The following ERC1 variants were observed in gnomAD, a reference collection of about 807,000 sequenced individuals.
ERC1 encodes RAB6 interacting protein 2.
A neutral mutation model predicts 132.0 loss-of-function variants in ERC1; 56 were observed. The observed-to-expected ratio is 0.42, with a 90% confidence interval of 0.34 to 0.53. The LOEUF is 0.53. Ranked by LOEUF, ERC1 falls within the 20% of genes least tolerant of loss-of-function variation. The probability of loss-of-function intolerance (pLI) is 0.03; values close to 1 mark genes in which losing one functional copy is unlikely to be tolerated. For missense variants in ERC1, 1,202 were observed against 1,349.9 expected, an observed-to-expected ratio of 0.89 and a Z score of 1.72; for synonymous variants, 478 against 476.1, an observed-to-expected ratio of 1.00 and a Z score of -0.05.
chr12:1,184,062 G>A (rs931270537), intron 11 of ERC1, among the ~76,000 whole-genome samples: 1 of 151,556 alleles, frequency 6.6e-6, no homozygotes. Context: ...CTTGAACCCA[G>A]GAGGCAGAGG....
intron 8 of ERC1, among the ~76,000 whole-genome samples, chr12:1,150,015 G>A (rs1166861166): frequency 6.6e-6 from 1 of 152,116 alleles, no homozygotes; most frequent in African/African-American, 2.4e-5. Context: ...TTTTGCTTTA[G>A]GGGAAGGTTG....
At chr12:1,456,929 C>T (rs966387162) in intron 18 of ERC1, among the ~76,000 whole-genome samples, 25 of 152,094 alleles carry the variant, frequency 1.6e-4, no homozygotes, top group Admixed American at 3.9e-4. Context: ...GGAGTGAGCT[C>T]GCAGGCATTG....
At chr12:1,221,711 G>A (rs1286492695) in intron 12 of ERC1, among the ~76,000 whole-genome samples, 1 of 151,942 alleles carries the variant, frequency 6.6e-6, no homozygotes, top group Non-Finnish European at 1.5e-5. Flanking sequence ...TTAGTTTTTT[G>A]GTTACTCTTT....
intron 18 of ERC1, among the ~76,000 whole-genome samples, chr12:1,471,866 A>C (rs992247594): frequency 6.6e-6 from 1 of 152,210 alleles, no homozygotes; most frequent in Non-Finnish European, 1.5e-5. Flanking sequence ...ACCTGGATGC[A>C]GTAGAGCCTG....
intron 2 of ERC1, among the ~76,000 whole-genome samples, chr12:1,068,529 G>A (rs1231767325): frequency 6.6e-6 from 1 of 151,828 alleles, no homozygotes; most frequent in Non-Finnish European, 1.5e-5. Context: ...CTTTACTGAT[G>A]CTTAGCATTT....
chr12:1,019,469 A>T (rs555763162), intron 1 of ERC1, among the ~76,000 whole-genome samples: 1 of 152,314 alleles, frequency 6.6e-6, no homozygotes, highest in East Asian at 1.9e-4. Flanking sequence ...ACATTCCATT[A>T]GCTGTCAGTG....
At chr12:1,109,372 G>A (rs1443870905) in intron 4 of ERC1, among the ~76,000 whole-genome samples, 2 of 152,172 alleles carry the variant, frequency 1.3e-5, no homozygotes, top group African/African-American at 4.8e-5. Context: ...CCATTTTTCT[G>A]CAGTGGGATG....
chr12:1,159,132 A>G (rs1047944683), intron 8 of ERC1, among the ~76,000 whole-genome samples: 2 of 152,208 alleles, frequency 1.3e-5, no homozygotes, highest in African/African-American at 2.4e-5. Context: ...ATTTCCTCTC[A>G]GGTAGCATGT....
At chr12:1,233,278 T>C (rs2075178158) in intron 12 of ERC1, among the ~76,000 whole-genome samples, 2 of 151,894 alleles carry the variant, frequency 1.3e-5, no homozygotes, top group Non-Finnish European at 2.9e-5. Context: ...TGAGACCAGC[T>C]TGGCCCACAT....
intron 17 of ERC1, chr12:1,444,340 T>G (rs964943718): frequency 9.5e-6 from 4 of 421,762 alleles, no homozygotes; most frequent in African/African-American, 8.1e-5. Context: ...CAGCGTTCTC[T>G]TCCTGTCTCC....
intron 7 of ERC1, among the ~76,000 whole-genome samples, chr12:1,118,626 T>C (rs1402491713): frequency 6.6e-6 from 1 of 152,202 alleles, no homozygotes; most frequent in Non-Finnish European, 1.5e-5. Context: ...ATATGTCTAT[T>C]TATTAGCATT....
At chr12:1,237,076 G>T (rs912210149) in intron 13 of ERC1, among the ~76,000 whole-genome samples, 172 bp downstream of exon 13, 1 of 152,178 alleles carries the variant, frequency 6.6e-6, no homozygotes, top group Non-Finnish European at 1.5e-5. Flanking sequence ...AGTAGAAAAT[G>T]CAAGTTTTAT....
intron 2 of ERC1, among the ~76,000 whole-genome samples, chr12:1,058,837 G>A (rs1219462153): frequency 2.2e-5 from 3 of 135,644 alleles, no homozygotes; most frequent in East Asian, 4.5e-4. Context: ...TCTCATCCCA[G>A]CTACAGTGTA....
rs1277848682 is a variant in ERC1 at position 1,239,652 on chromosome 12, G to T, written c.2487+2748G>T. Among the ~76,000 whole-genome samples the T allele has an allele frequency of 3.3e-5, 5 of 152,170 alleles. No individual in the cohort carries two copies. In the South Asian group the frequency reaches 6.2e-4, roughly 19 times the overall value. The stretch of plus-strand genomic sequence containing the variant: ...AGAATTGCTTTATCCCAGGAGTTCA[G>T]GGTTGCAGTGAGCTGTGATTGTGCC... On this transcript the variant is annotated intron_variant, in intron 13 of 18. Coordinates refer to ENST00000360905, the MANE Select transcript of ERC1 (RefSeq NM_178040.4).
intron 17 of ERC1, among the ~76,000 whole-genome samples, chr12:1,435,440 C>G (rs151015543): frequency 6.6e-6 from 1 of 152,146 alleles, no homozygotes; most frequent in Non-Finnish European, 1.5e-5. Flanking sequence ...TGCTGTCCCC[C>G]TGAAAAACCA....
intron 14 of ERC1, among the ~76,000 whole-genome samples, chr12:1,263,829 A>G (rs2077296622): frequency 6.6e-6 from 1 of 152,036 alleles, no homozygotes; most frequent in Admixed American, 6.5e-5. Flanking sequence ...AGCTGGGATT[A>G]CAGGTGCCTG....
chr12:1,160,604 G>A (rs1349116267), intron 8 of ERC1, among the ~76,000 whole-genome samples: 2 of 152,062 alleles, frequency 1.3e-5, no homozygotes, highest in African/African-American at 2.4e-5. Context: ...CCAGCTACTG[G>A]GGAGGCTGAG....
intron 8 of ERC1, among the ~76,000 whole-genome samples, chr12:1,170,762 T>C (rs1378844235): frequency 1.3e-5 from 2 of 152,204 alleles, no homozygotes; most frequent in Admixed American, 6.5e-5. Context: ...TTCCATGATC[T>C]GTACCATGAG....
At chr12:1,176,575 T>G (rs1953747807) in intron 8 of ERC1, among the ~76,000 whole-genome samples, 1 of 152,096 alleles carries the variant, frequency 6.6e-6, no homozygotes, top group Non-Finnish European at 1.5e-5. Flanking sequence ...TGTTTTTTTT[T>G]TCTTTTCTTT....
Sources: allele counts gnomAD v4.1 joint callset (sites outside exome capture counted in the v4.1 genomes callset), GRCh38; gene constraint gnomAD v4.1.1; transcripts MANE v1.5; gene names NCBI Gene and HGNC (gene_info 2026-07-23, HGNC 2026-07-21).